The following ZNF445 variants were observed in gnomAD, a reference collection of about 807,000 sequenced individuals.
ZNF445 encodes zinc finger protein 445, also known as zinc finger protein 168.
In ZNF445, 19 loss-of-function variants were observed where a neutral mutation model predicts 93.9. The ratio of observed to expected loss-of-function variants is 0.20; its 90% CI spans 0.14 to 0.30. The LOEUF (loss-of-function observed/expected upper bound fraction) is 0.30. Among genes scored for constraint, ZNF445 ranks in the 10% least tolerant of loss-of-function variants. The pLI is 1.00. For missense variants in ZNF445, 1,058 were observed against 1,259.4 expected (o/e 0.84, Z 2.42); for synonymous variants, 449 against 446.3 (o/e 1.01, Z -0.08).
chr3:44,452,613 C>T (rs1697972006), intron 3 of ZNF445, among the ~76,000 whole-genome samples: 1 of 152,212 alleles, frequency 6.6e-6, no homozygotes, highest in South Asian at 2.1e-4. Context: ...TTTAAAATTA[C>T]ATCTAGCTGT....
chr3:44,451,093 T>C (rs1489119576), intron 4 of ZNF445, 131 bp from the exon 5 acceptor site: 5 of 992,200 alleles, frequency 5.0e-6, no homozygotes, highest in Non-Finnish European at 7.4e-6. Flanking sequence ...CCATCTCACA[T>C]GTCCTCAGTC....
Position 44,450,981 on chromosome 3 carries a change from T to G in ZNF445, c.599-19A>C. The G allele has an allele frequency of 6.4e-7, 1 of 1,552,454 alleles. No homozygotes were observed. Among genetic ancestry groups the G allele is most frequent in the East Asian group, 2.4e-5 (1 of 42,230 alleles). On this transcript the variant is annotated intron_variant, in intron 4 of 7. Coordinates refer to ENST00000396077, the MANE Select transcript of ZNF445 (RefSeq NM_181489.6). ...GGAGTATCTGAAGGAGAAAAAGCCA[T>G]GAGAGAGCGGCTCAGCTCTGGACAG...
intron 2 of ZNF445, among the ~76,000 whole-genome samples, chr3:44,457,674 CCA>C (rs1283732972): frequency 6.6e-5 from 10 of 152,094 alleles, no homozygotes; most frequent in African/African-American, 1.9e-4. Flanking sequence ...GGAAAACTGA[CCA>C]AAACCTCACC....
chr3:44,461,999 GTC>G (rs146454467), intron 1 of ZNF445, among the ~76,000 whole-genome samples: 57 of 149,272 alleles, frequency 3.8e-4, no homozygotes, highest in Non-Finnish European at 4.8e-4. Flanking sequence ...CAAGTTTCTG[GTC>G]TCTCTCTCTC....
Position 44,438,791 on chromosome 3 carries a change from T to G in ZNF445, c.*7784A>C, listed in dbSNP as rs1011320141. On this transcript the variant is annotated 3_prime_UTR_variant, in exon 8 of 8. Transcript: ENST00000396077. ...ACAAAAAACCAAACACCGCATATTC[T>G]CACTCATAGGTGGGAATTGAACAAT... 2.1e-5 allele frequency: 3 copies of G among 141,396 alleles called. No individual in the cohort carries two copies. Among genetic ancestry groups the G allele is most frequent in the African/African-American group, 8.0e-5 (3 of 37,496 alleles). The allele number at this position is 141,396 out of a possible 1,614,324, so 8.8% of individuals were successfully genotyped here.
In ZNF445 at chr3:44,439,773, G is replaced by A. The variant is rs1468800758; in HGVS notation, c.*6802C>T. On this transcript the variant is annotated 3_prime_UTR_variant, in exon 8 of 8. Transcript: ENST00000396077. Reference sequence around the variant, plus strand: ...CTGATGACACTGCAGACACCAAGAGGTTATGAAAAAGTTTACTACTCACAT... The same window carrying A: ...CTGATGACACTGCAGACACCAAGAGATTATGAAAAAGTTTACTACTCACAT... 3 of 152,200 alleles carry A rather than the reference G, an allele frequency of 2.0e-5. No homozygotes were observed. Among genetic ancestry groups the A allele is most frequent in the Non-Finnish European group, 2.9e-5 (2 of 68,044 alleles). 9.4% of individuals were successfully genotyped at this position (152,200 alleles called of 1,614,324 possible). A position where few individuals can be genotyped will look rare whatever the true frequency, so the allele number is the denominator to read the frequency against.
At position 44,445,722 on chromosome 3, in the gene ZNF445, C is replaced by T. The variant is rs947149915; in HGVS notation, c.*853G>A. The T allele has an allele frequency of 2.0e-5, 3 of 152,350 alleles. No homozygotes were observed. The highest frequency in any genetic ancestry group is 4.8e-5 in the African/African-American group (2 of 41,316). 9.4% of individuals were successfully genotyped at this position (152,350 alleles called of 1,614,324 possible). ...GACTGATCTCCCAATCCAGCACTCC[C>T]TCTGCTCTTCTCTGATTCACTTTGT... On this transcript the variant is annotated 3_prime_UTR_variant, in exon 8 of 8. Transcript: ENST00000396077.
At chr3:44,477,094 T>C (rs1303249306) in intron 1 of ZNF445, among the ~76,000 whole-genome samples, 1 of 152,078 alleles carries the variant, frequency 6.6e-6, no homozygotes, top group Admixed American at 6.5e-5. Flanking sequence ...GTATGGTAAA[T>C]GTTATGTGTT....
intron 1 of ZNF445, among the ~76,000 whole-genome samples, chr3:44,459,376 T>A (rs1698076121): frequency 6.6e-6 from 1 of 152,124 alleles, no homozygotes; most frequent in South Asian, 2.1e-4. Context: ...AAGATAAACA[T>A]AAGACATAAT....
intron 1 of ZNF445, among the ~76,000 whole-genome samples, chr3:44,466,097 AG>A (rs1698190573): frequency 6.6e-6 from 1 of 152,172 alleles, no homozygotes; most frequent in Admixed American, 6.5e-5. Flanking sequence ...GAGAGAAGAG[AG>A]ATTCAGTTGG....
At chr3:44,468,630 C>T (rs949424543) in intron 1 of ZNF445, among the ~76,000 whole-genome samples, 4 of 151,918 alleles carry the variant, frequency 2.6e-5, no homozygotes, top group African/African-American at 9.7e-5. Context: ...CAACCCAGAT[C>T]AATAAACTGG....
rs764099673 is a variant in ZNF445 at position 44,437,886 on chromosome 3, G to C, written c.*8689C>G. The C allele has an allele frequency of 1.3e-5, 2 of 152,150 alleles. No individual in the cohort carries two copies. Among genetic ancestry groups the C allele is most frequent in the African/African-American group, 2.4e-5 (1 of 41,408 alleles). 9.4% of individuals were successfully genotyped at this position (152,150 alleles called of 1,614,324 possible). A position where few individuals can be genotyped will look rare whatever the true frequency, so the allele number is the denominator to read the frequency against. ...CACCAGAAATATGTTACAGGAAAGG[G>C]GTCCCAATTCAATCCTAGAGGGTAG... is the stretch of plus-strand genomic sequence containing the variant. On this transcript the variant is annotated 3_prime_UTR_variant, in exon 8 of 8. Coordinates refer to ENST00000396077, the MANE Select transcript of ZNF445 (RefSeq NM_181489.6).
rs143420093 is a variant in ZNF445, at chr3:44,467,069, T to C, written c.-268-8705A>G. Among the ~76,000 whole-genome samples the C allele has an allele frequency of 2.6e-4, 39 of 152,278 alleles. No individual in the cohort carries two copies. The East Asian group carries it at 6.0e-3, about 23-fold the overall frequency. On this transcript the variant is annotated intron_variant, in intron 1 of 7. Transcript: ENST00000396077. ...TGCCAGTCTCAGATAACTTTAAAAA[T>C]TGTGCTATTGGAATAGAGAATAAAA...
At position 44,448,294 on chromosome 3, in the gene ZNF445, C is replaced by T. The variant is rs1451955976; in HGVS notation, c.1377G>A (p.Lys459=). The T allele has an allele frequency of 3.1e-6, 5 of 1,614,062 alleles. No individual in the cohort carries two copies. Among genetic ancestry groups the T allele is most frequent in the Admixed American group, 1.7e-5 (1 of 60,002 alleles). The change falls in exon 8 of 8, where the codon AAG becomes AAA. Residue 459 remains lysine, a synonymous_variant. Transcript: ENST00000396077. ...RIHSGLKGNK[K]DVCGKDFSLS... ...GGCTGAAGTCTTTTCCACACACGTC[C>T]TTTTTGTTCCCTTTCAGTCCACTAT...
intron 1 of ZNF445, among the ~76,000 whole-genome samples, chr3:44,477,296 G>T (rs930905623): frequency 6.6e-6 from 1 of 152,224 alleles, no homozygotes; most frequent in Non-Finnish European, 1.5e-5. Context: ...ACTTTCCCGT[G>T]TTATCTAATT....
At position 44,455,375 on chromosome 3, in the gene ZNF445, T is replaced by G; in HGVS notation, c.175A>C (p.Arg59=). ...GAAGACTCATGGTAGCGAAGCTGTC[T>G]GAAGAGCTGGCGGAACAGCTCCTGG... is the stretch of plus-strand genomic sequence containing the variant. The part of the protein sequence containing the change: ...PGQELFRQLF[R]QLRYHESSGP... Residue 59 remains arginine (R), a synonymous_variant, in exon 3 of 8, where the codon AGA becomes CGA. Transcript: ENST00000396077. 6.2e-7 allele frequency: 1 copy of G among 1,614,164 alleles called. No individual in the cohort carries two copies. The highest frequency in any genetic ancestry group is 8.5e-7 in the Non-Finnish European group (1 of 1,180,010).
intron 1 of ZNF445, among the ~76,000 whole-genome samples, chr3:44,473,001 G>A (rs1698292265): frequency 6.6e-6 from 1 of 152,074 alleles, no homozygotes. Flanking sequence ...ATTTTCTTCT[G>A]TTACATTGTT....
intron 1 of ZNF445, among the ~76,000 whole-genome samples, chr3:44,463,476 G>GAATTA (rs1698148298): frequency 6.6e-6 from 1 of 152,174 alleles, no homozygotes; most frequent in East Asian, 1.9e-4. Context: ...TTTTCCTCAT[G>GAATTA]AAACCACAGG....
At chr3:44,476,481 GCAGA>G (rs1698357586) in intron 1 of ZNF445, among the ~76,000 whole-genome samples, 1 of 151,330 alleles carries the variant, frequency 6.6e-6, no homozygotes, top group South Asian at 2.1e-4. Flanking sequence ...ACACACACAC[GCAGA>G]CACACACACA....
Sources: gnomAD v4.1 joint callset for allele counts (sites outside exome capture counted in the v4.1 genomes callset) on GRCh38, gnomAD v4.1.1 for gene constraint, MANE v1.5 for transcripts, NCBI Gene and HGNC (gene_info 2026-07-23, HGNC 2026-07-21) for gene names.